The following SPOCK1 variants were observed in gnomAD, a reference collection of about 807,000 sequenced individuals.
SPOCK1 encodes the protein testican-1.
In SPOCK1, 23 loss-of-function variants were observed where a neutral mutation model predicts 55.3. That is an observed-to-expected ratio of 0.42 (90% confidence interval 0.30 to 0.59). The LOEUF is 0.59. Ranked by LOEUF, SPOCK1 falls within the 20% of genes least tolerant of loss-of-function variation. The pLI is 0.22. For missense variants in SPOCK1, 499 were observed against 552.5 expected (o/e 0.90, Z 0.97); for synonymous variants, 226 against 221.0 (o/e 1.02, Z -0.20).
chr5:137,244,823 TTC>T (rs1237016593), intron 3 of SPOCK1, among the ~76,000 whole-genome samples: 1 of 152,228 alleles, frequency 6.6e-6, no homozygotes, highest in East Asian at 1.9e-4. Context: ...CCATGCCAGT[TTC>T]TGTCACCTTG....
intron 2 of SPOCK1, among the ~76,000 whole-genome samples, chr5:137,293,654 A>G (rs1485002254): frequency 2.6e-5 from 4 of 152,212 alleles, no homozygotes; most frequent in Non-Finnish European, 4.4e-5. Flanking sequence ...CACTTTCCCT[A>G]TACACAGACA....
At chr5:137,282,641 G>T (rs996637975) in intron 2 of SPOCK1, among the ~76,000 whole-genome samples, 4 of 152,228 alleles carry the variant, frequency 2.6e-5, no homozygotes, top group Admixed American at 2.6e-4. Context: ...GCCATTAAAG[G>T]TCCCTTCCTT....
At chr5:137,211,351 G>T (rs1274138758) in intron 3 of SPOCK1, among the ~76,000 whole-genome samples, 1 of 152,080 alleles carries the variant, frequency 6.6e-6, no homozygotes, top group Non-Finnish European at 1.5e-5. Context: ...CAAAATACAG[G>T]GCACCTACCT....
intron 5 of SPOCK1, among the ~76,000 whole-genome samples, chr5:137,070,265 C>T (rs1561598123): frequency 6.6e-6 from 1 of 152,178 alleles, no homozygotes; most frequent in African/African-American, 2.4e-5. Context: ...ACAGCTAACG[C>T]ACAATGTGAA....
At chr5:137,204,453 G>A (rs781022115) in intron 3 of SPOCK1, among the ~76,000 whole-genome samples, 16 of 152,042 alleles carry the variant, frequency 1.1e-4, no homozygotes, top group African/African-American at 3.9e-4. Flanking sequence ...TGGTTTCTAG[G>A]ACCCTTCAAT....
chr5:137,044,043 TA>T (rs1752054492), intron 6 of SPOCK1, among the ~76,000 whole-genome samples: 1 of 152,216 alleles, frequency 6.6e-6, no homozygotes, highest in African/African-American at 2.4e-5. Context: ...TTTTCTAAAA[TA>T]AAGAGTTTAT....
At chr5:137,021,835 C>T (rs184786891) in intron 6 of SPOCK1, among the ~76,000 whole-genome samples, 14 of 151,776 alleles carry the variant, frequency 9.2e-5, no homozygotes, top group Admixed American at 9.2e-4. Flanking sequence ...TTTTTTAATA[C>T]CCATATGTTT....
intron 5 of SPOCK1, among the ~76,000 whole-genome samples, chr5:137,082,414 G>T (rs919539446): frequency 1.3e-5 from 2 of 152,176 alleles, no homozygotes; most frequent in South Asian, 4.1e-4. Context: ...CTAACCAGGT[G>T]GGTGGGGATG....
At chr5:137,222,915 A>G (rs1229556832) in intron 3 of SPOCK1, among the ~76,000 whole-genome samples, 1 of 152,194 alleles carries the variant, frequency 6.6e-6, no homozygotes, top group African/African-American at 2.4e-5. Flanking sequence ...CTAAACAGAT[A>G]CACAGTATAT....
rs138019180 is a variant in SPOCK1 at position 137,422,459 on chromosome 5, T to C, written c.186+75914A>G. On this transcript the variant is annotated intron_variant, in intron 2 of 10. Coordinates refer to ENST00000394945, the MANE Select transcript of SPOCK1 (RefSeq NM_004598.4). ...GATTTGATCTTTTCACATAGCCCCA[T>C]ATTTCTTGGAGGCTTTGTTCATTTC... Among the ~76,000 whole-genome samples, 974 of 152,332 alleles carry C rather than the reference T, an allele frequency of 6.4e-3. 6 individuals are homozygous for C. The highest frequency in any genetic ancestry group is 0.022 in the African/African-American group (912 of 41,578).
At chr5:136,979,705 G>A (rs1467644087) in intron 9 of SPOCK1, among the ~76,000 whole-genome samples, 1 of 152,128 alleles carries the variant, frequency 6.6e-6, no homozygotes, top group South Asian at 2.1e-4. Flanking sequence ...TAGCTATCAT[G>A]TATTGAATAC....
chr5:137,127,977 C>T (rs1272931922), intron 4 of SPOCK1, among the ~76,000 whole-genome samples: 1 of 152,172 alleles, frequency 6.6e-6, no homozygotes, highest in Non-Finnish European at 1.5e-5. Context: ...AGGAAGAATG[C>T]TATGGACAAT....
intron 4 of SPOCK1, among the ~76,000 whole-genome samples, chr5:137,116,256 T>C (rs1753577305): frequency 6.6e-6 from 1 of 152,222 alleles, no homozygotes; most frequent in South Asian, 2.1e-4. Flanking sequence ...TCCATCTTTT[T>C]TTAAAAAGTA....
chr5:137,427,877 C>G (rs889881321), intron 2 of SPOCK1, among the ~76,000 whole-genome samples: 10 of 149,980 alleles, frequency 6.7e-5, no homozygotes, highest in African/African-American at 2.5e-4. Flanking sequence ...CCACTGCACT[C>G]CAGCCTGGGT....
At chr5:137,118,384 T>G (rs143192326) in intron 4 of SPOCK1, among the ~76,000 whole-genome samples, 88 of 152,322 alleles carry the variant, frequency 5.8e-4, no homozygotes, top group African/African-American at 2.0e-3. Context: ...TCCTGGTTCC[T>G]GGGAATGTCA....
At chr5:137,046,346 G>C (rs1022056710) in intron 6 of SPOCK1, among the ~76,000 whole-genome samples, 1 of 145,326 alleles carries the variant, frequency 6.9e-6, no homozygotes, top group African/African-American at 2.5e-5. Context: ...AGTTCTCCTT[G>C]AAGAGGTCCT....
intron 2 of SPOCK1, among the ~76,000 whole-genome samples, chr5:137,449,245 T>G (rs1274119302): frequency 6.6e-6 from 1 of 152,208 alleles, no homozygotes; most frequent in Non-Finnish European, 1.5e-5. Flanking sequence ...AAAAGAGAGA[T>G]AGTCTCCTTG....
At chr5:137,018,082 G>A (rs919848818) in intron 6 of SPOCK1, among the ~76,000 whole-genome samples, 5 of 152,364 alleles carry the variant, frequency 3.3e-5, no homozygotes, top group East Asian at 1.9e-4. Context: ...ATTTGGTAAT[G>A]TGTGGAGACA....
At chr5:137,275,140 C>G (rs1039315033) in intron 2 of SPOCK1, among the ~76,000 whole-genome samples, 1 of 152,220 alleles carries the variant, frequency 6.6e-6, no homozygotes, top group East Asian at 1.9e-4. Context: ...GCACACCAAA[C>G]AAAGCCATTG....
Sources: allele counts gnomAD v4.1 joint callset (sites outside exome capture counted in the v4.1 genomes callset), GRCh38; gene constraint gnomAD v4.1.1; transcripts MANE v1.5; gene names NCBI Gene and HGNC (gene_info 2026-07-23, HGNC 2026-07-21).